The following RYR2 variants were observed in gnomAD, a reference collection of about 807,000 sequenced individuals.
RYR2 encodes ryanodine receptor 2.
In RYR2, 227 loss-of-function variants were observed where a neutral mutation model predicts 601.1. The observed-to-expected ratio is 0.38, with a 90% CI of 0.34 to 0.42. The LOEUF is 0.42. RYR2 is among the 10% of genes least tolerant of loss of function. The pLI is 1.00. For missense variants in RYR2, 4,646 were observed against 6,156.5 expected (o/e 0.75, Z 8.21); for synonymous variants, 2,223 against 2,175.1 (o/e 1.02, Z -0.61).
chr1:237,719,524 C>G (rs577583592), intron 73 of RYR2, among the ~76,000 whole-genome samples: 17 of 152,166 alleles, frequency 1.1e-4, no homozygotes, highest in East Asian at 3.9e-4. Context: ...CTGGCAGGAG[C>G]AGGAACAAGA....
At chr1:237,677,908 C>T in intron 60 of RYR2, 140 bp from the exon 61 acceptor site, 2 of 607,256 alleles carry the variant, frequency 3.3e-6, no homozygotes, top group Non-Finnish European at 5.9e-6. Flanking sequence ...CAAAGTTTGC[C>T]TTTATATTTT....
Position 237,733,747 on chromosome 1 carries a change from T to G in RYR2, c.11082T>G (p.Ile3694Met), listed in dbSNP as rs1215556476. Residue 3694 changes from isoleucine (I) to methionine (M), a missense_variant, in exon 79 of 105, where the codon ATT becomes ATG. This residue lies in a region of RYR2 where 1,497 missense variants were observed against 1,842.6 expected (regional missense o/e 0.81). Transcript: ENST00000366574. Reference sequence around the variant, plus strand: ...TTTTATATATGGCCTATGCAGATATTATGGCAAAGGTAAATAAGTATCCTT... The same window carrying G: ...TTTTATATATGGCCTATGCAGATATGATGGCAAAGGTAAATAAGTATCCTT... ...EDFLYMAYAD[I>M]MAKSCHDEED... 1 of 1,602,848 alleles carries G rather than the reference T, an allele frequency of 6.2e-7. No individual in the cohort carries two copies. The highest frequency in any genetic ancestry group is 1.7e-5 in the Admixed American group (1 of 59,910).
intron 2 of RYR2, among the ~76,000 whole-genome samples, chr1:237,328,973 A>G (rs765928143): frequency 1.4e-4 from 22 of 152,112 alleles, no homozygotes; most frequent in Non-Finnish European, 3.2e-4. Flanking sequence ...TCCATTGAAC[A>G]TTTGCTTGTA....
intron 19 of RYR2, among the ~76,000 whole-genome samples, chr1:237,494,336 A>G (rs1409844184): frequency 1.3e-5 from 2 of 152,178 alleles, no homozygotes; most frequent in African/African-American, 2.4e-5. Context: ...AAGCTGAAGA[A>G]CTTGGGAGTC....
chr1:237,724,806 A>C (rs2149132941), intron 74 of RYR2, among the ~76,000 whole-genome samples: 1 of 152,146 alleles, frequency 6.6e-6, no homozygotes, highest in Non-Finnish European at 1.5e-5. Flanking sequence ...AATTCTTCCT[A>C]GTGTTTATAC....
At chr1:237,668,466 G>A (rs886768283) in intron 58 of RYR2, among the ~76,000 whole-genome samples, 2 of 152,144 alleles carry the variant, frequency 1.3e-5, no homozygotes, top group African/African-American at 4.8e-5. Context: ...TTTAACGTAT[G>A]CTATGCTGAT....
intron 28 of RYR2, 27 bp downstream of exon 28, chr1:237,566,802 C>T: frequency 8.7e-6 from 14 of 1,611,472 alleles, no homozygotes; most frequent in Non-Finnish European, 1.2e-5. Flanking sequence ...CTGTGCCAGT[C>T]ATCTGTACGT....
chr1:237,074,061 A>T (rs2148346251), intron 1 of RYR2, among the ~76,000 whole-genome samples: 1 of 152,240 alleles, frequency 6.6e-6, no homozygotes, highest in East Asian at 1.9e-4. Context: ...TCATGTCTGT[A>T]ATCCCAGCTA....
At chr1:237,074,371 CACT>C (rs1664748636) in intron 1 of RYR2, among the ~76,000 whole-genome samples, 1 of 152,250 alleles carries the variant, frequency 6.6e-6, no homozygotes, top group African/African-American at 2.4e-5. Flanking sequence ...TATTGGGCAG[CACT>C]GCCATAACCT....
chr1:237,459,169 T>C (rs1001506222), intron 16 of RYR2, among the ~76,000 whole-genome samples: 1 of 152,238 alleles, frequency 6.6e-6, no homozygotes, highest in African/African-American at 2.4e-5. Context: ...TGGTGATGTT[T>C]TTAACACTAC....
chr1:237,636,973 C>A (rs1471604002), intron 44 of RYR2, among the ~76,000 whole-genome samples: 1 of 152,150 alleles, frequency 6.6e-6, no homozygotes, highest in Non-Finnish European at 1.5e-5. Flanking sequence ...TACAAGTGTC[C>A]TAGAAAATGC....
chr1:237,467,279 C>T (rs1470301590), intron 16 of RYR2, among the ~76,000 whole-genome samples: 1 of 149,810 alleles, frequency 6.7e-6, no homozygotes, highest in African/African-American at 2.4e-5. Context: ...ATTAGTTTTA[C>T]AAAATCAGAA....
rs138330049 is a variant in RYR2, at chr1:237,426,132, G to T, written c.1005+2884G>T. On this transcript the variant is annotated intron_variant, in intron 12 of 104. Transcript: ENST00000366574. The stretch of plus-strand genomic sequence containing the variant: ...GGGAGACCAGAAGTAATTCTGAAAA[G>T]ACAGTATCCTGAATGAACATTCCCA... Among the ~76,000 whole-genome samples the T allele has an allele frequency of 8.5e-3, 1,298 of 152,056 alleles. 26 individuals are homozygous for T. Among genetic ancestry groups the T allele is most frequent in the African/African-American group, 0.03 (1,247 of 41,508 alleles).
At chr1:237,688,431 C>G (rs551730766) in intron 63 of RYR2, among the ~76,000 whole-genome samples, 2 of 152,108 alleles carry the variant, frequency 1.3e-5, no homozygotes, top group Non-Finnish European at 2.9e-5. Flanking sequence ...TATATACACA[C>G]ACACACATAT....
intron 1 of RYR2, among the ~76,000 whole-genome samples, chr1:237,191,659 C>A (rs1679981252): frequency 6.6e-6 from 1 of 152,122 alleles, no homozygotes; most frequent in Non-Finnish European, 1.5e-5. Context: ...AGTCTGTGAA[C>A]AAATTGTCTC....
chr1:237,538,278 C>T (rs1009935860), intron 25 of RYR2, among the ~76,000 whole-genome samples: 2 of 150,320 alleles, frequency 1.3e-5, no homozygotes, highest in Non-Finnish European at 1.5e-5. Flanking sequence ...ACCTGTAATC[C>T]CAGCCACTCG....
intron 95 of RYR2, among the ~76,000 whole-genome samples, chr1:237,794,546 C>T (rs1658864614): frequency 6.6e-6 from 1 of 152,180 alleles, no homozygotes; most frequent in South Asian, 2.1e-4. Flanking sequence ...AAGACCCAAA[C>T]TACTAGCTGC....
chr1:237,197,112 T>G (rs1012130025), intron 1 of RYR2, among the ~76,000 whole-genome samples: 3 of 152,198 alleles, frequency 2.0e-5, no homozygotes, highest in Non-Finnish European at 4.4e-5. Flanking sequence ...TATACTGGTC[T>G]TATATTTAGC....
chr1:237,305,906 C>T (rs184971780), intron 2 of RYR2, among the ~76,000 whole-genome samples: 1 of 152,218 alleles, frequency 6.6e-6, no homozygotes, highest in Non-Finnish European at 1.5e-5. Context: ...ATATGCATTT[C>T]TTTACATACA....
Sources: gnomAD v4.1 joint callset for allele counts (sites outside exome capture counted in the v4.1 genomes callset) on GRCh38, gnomAD v4.1.1 for gene constraint, gnomAD v4.1.1 regional missense constraint, MANE v1.5 for transcripts, NCBI Gene and HGNC (gene_info 2026-07-23, HGNC 2026-07-21) for gene names.